The following RAB3C variants were observed in gnomAD, a reference collection of about 807,000 sequenced individuals.
RAB3C encodes RAB3C, member RAS oncogene family.
RAB3C carries 17 observed loss-of-function variants against 26.4 expected under a neutral mutation model. The observed-to-expected ratio is 0.64, with a 90% CI of 0.44 to 0.97. RAB3C has a LOEUF of 0.97. Ranked by LOEUF, RAB3C falls within the 50% of genes least tolerant of loss-of-function variation. The pLI is 0.00. For synonymous variants in RAB3C, 91 were observed against 95.9 expected (o/e 0.95, Z 0.30); for missense variants, 242 against 281.9 (o/e 0.86, Z 1.01).
At chr5:58,588,606 A>G (rs1746061256) in intron 1 of RAB3C, among the ~76,000 whole-genome samples, 1 of 152,082 alleles carries the variant, frequency 6.6e-6, no homozygotes, top group South Asian at 2.1e-4. Context: ...TCCTTTGTCA[A>G]GTCAGGTAGA....
chr5:58,823,123 A>C (rs1743381192), intron 3 of RAB3C: 17 of 434,950 alleles, frequency 3.9e-5, no homozygotes, highest in South Asian at 3.2e-4. Context: ...AGAATGATGC[A>C]GATTACATGC....
intron 3 of RAB3C, among the ~76,000 whole-genome samples, chr5:58,761,063 T>TCTCACACA (rs370091627): frequency 0.1 from 14,463 of 144,364 alleles, 996 homozygotes; most frequent in Non-Finnish European, 0.16. Context: ...TCTCTCTCTC[T>TCTCACACA]CACACACACA....
At chr5:58,620,748 C>G (rs1297621459) in intron 2 of RAB3C, among the ~76,000 whole-genome samples, 1 of 152,182 alleles carries the variant, frequency 6.6e-6, no homozygotes, top group Non-Finnish European at 1.5e-5. Context: ...CATTCTAACA[C>G]TGCGCTAATT....
chr5:58,583,839 C>G (rs1474992548), intron 1 of RAB3C, among the ~76,000 whole-genome samples: 3 of 152,132 alleles, frequency 2.0e-5, no homozygotes, highest in African/African-American at 7.2e-5. Context: ...GGAGACAGCC[C>G]CCTCTGAGCT....
At chr5:58,684,691 C>A (rs141604173) in intron 2 of RAB3C, among the ~76,000 whole-genome samples, 1 of 152,312 alleles carries the variant, frequency 6.6e-6, no homozygotes, top group African/African-American at 2.4e-5. Flanking sequence ...AGGGCAATGT[C>A]TGCAGGAATA....
At chr5:58,812,724 CAGTG>C (rs1743119842) in intron 3 of RAB3C, among the ~76,000 whole-genome samples, 1 of 152,118 alleles carries the variant, frequency 6.6e-6, no homozygotes, top group Non-Finnish European at 1.5e-5. Flanking sequence ...AGGAAAATCA[CAGTG>C]AGTGTTGTTT....
intron 2 of RAB3C, among the ~76,000 whole-genome samples, chr5:58,636,467 G>A (rs776008937): frequency 2.0e-5 from 3 of 152,148 alleles, no homozygotes; most frequent in Non-Finnish European, 4.4e-5. Context: ...CCATCACCTT[G>A]CTTTTGCATT....
Position 58,612,550 on chromosome 5 carries a change from A to G in RAB3C, c.25-5093A>G, listed in dbSNP as rs1363098800. The stretch of plus-strand genomic sequence containing the variant: ...TATATATATATATATATATATATGT[A>G]TATATATATATATGTATATATATAT... On this transcript the variant is annotated intron_variant, in intron 1 of 4. Coordinates refer to ENST00000282878, the MANE Select transcript of RAB3C (RefSeq NM_138453.4). Among the ~76,000 whole-genome samples the G allele has an allele frequency of 6.1e-4, 56 of 91,730 alleles. 1 individual carries two copies. Among genetic ancestry groups the G allele is most frequent in the Middle Eastern group, 5.4e-3 (1 of 184 alleles). The allele number at this position is 91,730 out of a possible 152,430, so 60.2% of individuals were successfully genotyped here.
At chr5:58,682,318 T>C (rs1748362411) in intron 2 of RAB3C, among the ~76,000 whole-genome samples, 1 of 152,228 alleles carries the variant, frequency 6.6e-6, no homozygotes. Flanking sequence ...AGCTTTTTTG[T>C]ACGTAGGTCA....
At chr5:58,801,653 T>G (rs1167984793) in intron 3 of RAB3C, among the ~76,000 whole-genome samples, 1 of 152,272 alleles carries the variant, frequency 6.6e-6, no homozygotes, top group Non-Finnish European at 1.5e-5. Flanking sequence ...TCTTCTATTT[T>G]CTGGCCAGAG....
At chr5:58,700,261 C>T (rs1748814043) in intron 2 of RAB3C, among the ~76,000 whole-genome samples, 2 of 152,118 alleles carry the variant, frequency 1.3e-5, no homozygotes. Flanking sequence ...AAGACAAAAG[C>T]AGTGCTTTAC....
chr5:58,626,450 T>C (rs568199985), intron 2 of RAB3C, among the ~76,000 whole-genome samples: 52 of 152,280 alleles, frequency 3.4e-4, no homozygotes, highest in African/African-American at 1.2e-3. Context: ...TTAGGCCTAT[T>C]CTAGACTTAC....
intron 2 of RAB3C, among the ~76,000 whole-genome samples, chr5:58,663,506 A>T (rs1253048731): frequency 6.6e-6 from 1 of 150,410 alleles, no homozygotes. Flanking sequence ...TTTCAAGTTT[A>T]AAATATTAAA....
intron 2 of RAB3C, among the ~76,000 whole-genome samples, chr5:58,631,875 G>A (rs1456184071): frequency 6.6e-6 from 1 of 152,184 alleles, no homozygotes; most frequent in Non-Finnish European, 1.5e-5. Context: ...AGAATTGAAA[G>A]CATTTTTCTT....
In RAB3C at chr5:58,856,956, C is replaced by T. The variant is rs1026678362; in HGVS notation, c.*5605C>T. On this transcript the variant is annotated 3_prime_UTR_variant, in exon 5 of 5. Transcript: ENST00000282878. ...TGTTAATGTCAGACGTGATGTGATA[C>T]CGTTAGACTGTCCAAATGTACAACA... is the stretch of plus-strand genomic sequence containing the variant. The T allele has an allele frequency of 3.9e-5, 6 of 152,142 alleles. No individual in the cohort carries two copies. Among genetic ancestry groups the T allele is most frequent in the Admixed American group, 6.5e-5 (1 of 15,274 alleles). The allele number at this position is 152,142 out of a possible 1,614,324, so 9.4% of individuals were successfully genotyped here. A position where few individuals can be genotyped will look rare whatever the true frequency, so the allele number is the denominator to read the frequency against.
intron 3 of RAB3C, among the ~76,000 whole-genome samples, chr5:58,809,758 G>C (rs974878091): frequency 2.0e-5 from 3 of 152,102 alleles, no homozygotes; most frequent in African/African-American, 7.2e-5. Context: ...CTGCACCAGA[G>C]AGAGATCCCT....
chr5:58,798,882 C>A (rs545957049), intron 3 of RAB3C, among the ~76,000 whole-genome samples: 36 of 152,254 alleles, frequency 2.4e-4, no homozygotes, highest in African/African-American at 7.2e-4. Flanking sequence ...TGGGGACATT[C>A]TACAACTTGC....
At chr5:58,706,063 A>G (rs1468559697) in intron 2 of RAB3C, among the ~76,000 whole-genome samples, 1 of 152,204 alleles carries the variant, frequency 6.6e-6, no homozygotes, top group Non-Finnish European at 1.5e-5. Flanking sequence ...AATTTTTAAA[A>G]ATGCAAATAA....
intron 1 of RAB3C, among the ~76,000 whole-genome samples, chr5:58,614,823 A>G (rs539572338): frequency 1.3e-5 from 2 of 152,260 alleles, no homozygotes; most frequent in South Asian, 4.1e-4. Flanking sequence ...CAGATATAAA[A>G]TATTTGGGAA....
Sources: allele counts gnomAD v4.1 joint callset (sites outside exome capture counted in the v4.1 genomes callset), GRCh38; gene constraint gnomAD v4.1.1; transcripts MANE v1.5; gene names NCBI Gene and HGNC (gene_info 2026-07-23, HGNC 2026-07-21).